The following STMND1 variants were observed in gnomAD, a reference collection of about 807,000 sequenced individuals.
The protein encoded by STMND1 is stathmin domain containing 1.
Under a neutral mutation model 23.0 loss-of-function variants are expected in STMND1, and 17 were observed. The ratio of observed to expected loss-of-function variants is 0.74; its 90% confidence interval spans 0.51 to 1.11. The LOEUF is 1.11. STMND1 is among the 50% of genes least tolerant of loss of function. The pLI is 0.00. For synonymous variants in STMND1, 114 were observed against 119.9 expected (o/e 0.95, Z 0.32); for missense variants, 305 against 329.1 (o/e 0.93, Z 0.57).
intron 3 of STMND1, among the ~76,000 whole-genome samples, chr6:17,122,235 G>A (rs1276542440): frequency 6.6e-6 from 1 of 151,652 alleles, no homozygotes; most frequent in Non-Finnish European, 1.5e-5. Flanking sequence ...CTGTTATTTT[G>A]TTTTGTTTTC....
intron 1 of STMND1, among the ~76,000 whole-genome samples, chr6:17,114,685 G>A (rs1292980450): frequency 6.6e-6 from 1 of 152,328 alleles, no homozygotes; most frequent in South Asian, 2.1e-4. Context: ...CGGAGCTCTG[G>A]GGGTAATGTG....
At chr6:17,106,243 C>A (rs1277735080) in intron 1 of STMND1, among the ~76,000 whole-genome samples, 1 of 152,198 alleles carries the variant, frequency 6.6e-6, no homozygotes, top group Non-Finnish European at 1.5e-5. Context: ...ACCATGCTGG[C>A]AGGGTTGATC....
chr6:17,115,088 A>G lies in STMND1; in HGVS notation c.208A>G (p.Ile70Val). ...CCAGATGGGAAGCTTACCTGGAACC[A>G]TTTCAGAAAATTCTCCATCTCCTAG... ...QVQMGSLPGT[I>V]SENSPSPSER... Residue 70 changes from isoleucine (I) to valine (V), a missense_variant, in exon 2 of 5, where the codon ATT becomes GTT. By Grantham distance (29) the Ile-to-Val change is conservative (BLOSUM62 3). Coordinates refer to ENST00000536551, the MANE Select transcript of STMND1 (RefSeq NM_001190766.2). The G allele has an allele frequency of 6.5e-7, 1 of 1,535,952 alleles. No individual in the cohort carries two copies. Among genetic ancestry groups the G allele is most frequent in the Non-Finnish European group, 8.7e-7 (1 of 1,146,842 alleles).
chr6:17,126,034 T>TTTTATATATATATATATATA (rs1348334184), intron 3 of STMND1, among the ~76,000 whole-genome samples: 3 of 41,984 alleles, frequency 7.1e-5, no homozygotes, highest in African/African-American at 3.8e-4. Context: ...GATCATTGTT[T>TTTTATATATATATATATATA]TATATATATA....
chr6:17,111,644 A>G (rs895056844), intron 1 of STMND1, among the ~76,000 whole-genome samples: 1 of 152,214 alleles, frequency 6.6e-6, no homozygotes, highest in Non-Finnish European at 1.5e-5. Context: ...CAGGTTACAG[A>G]AATATAATAT....
intron 1 of STMND1, among the ~76,000 whole-genome samples, chr6:17,112,333 A>G (rs558133448): frequency 6.6e-6 from 1 of 152,158 alleles, no homozygotes; most frequent in African/African-American, 2.4e-5. Context: ...CCTTTGGATG[A>G]CTGTACCACA....
At chr6:17,122,432 G>T (rs1761246932) in intron 3 of STMND1, among the ~76,000 whole-genome samples, 1 of 152,032 alleles carries the variant, frequency 6.6e-6, no homozygotes, top group South Asian at 2.1e-4. Flanking sequence ...TACCCCAAAG[G>T]CTACTTAATG....
At chr6:17,110,255 G>A (rs936631044) in intron 1 of STMND1, among the ~76,000 whole-genome samples, 9 of 152,128 alleles carry the variant, frequency 5.9e-5, no homozygotes, top group South Asian at 2.1e-4. Flanking sequence ...ATGGCGTCAC[G>A]TGCCTGTAGT....
Position 17,128,877 on chromosome 6 carries a change from T to A in STMND1, c.412-235T>A. 5.8e-6 allele frequency: 2 copies of A among 346,354 alleles called. 1 individual carries two copies. 21.5% of individuals were successfully genotyped at this position (346,354 alleles called of 1,614,324 possible). A position where few individuals can be genotyped will look rare whatever the true frequency, so the allele number is the denominator to read the frequency against. The stretch of plus-strand genomic sequence containing the variant: ...ACGGGCACACACCACCATGCCTGGC[T>A]AATTTTTTGTATTTTTGTAGAGACA... On this transcript the variant is annotated intron_variant, in intron 3 of 4. Transcript: ENST00000536551.
chr6:17,117,041 A>G (rs922626365), intron 2 of STMND1, among the ~76,000 whole-genome samples: 4 of 152,012 alleles, frequency 2.6e-5, no homozygotes, highest in Non-Finnish European at 4.4e-5. Context: ...ATCACTATAC[A>G]AGGATCAAAA....
Position 17,114,827 on chromosome 6 carries a change from C to T in STMND1, c.82-135C>T, listed in dbSNP as rs144879346. 589 of 954,932 alleles carry T rather than the reference C, an allele frequency of 6.2e-4. 3 individuals are homozygous for T. The African/African-American group carries it at 8.6e-3, about 14-fold the overall frequency. The allele number at this position is 954,932 out of a possible 1,614,324, so 59.2% of individuals were successfully genotyped here. A position where few individuals can be genotyped will look rare whatever the true frequency, so the allele number is the denominator to read the frequency against. On this transcript the variant is annotated intron_variant, in intron 1 of 4. Transcript: ENST00000536551. ...ATGTGGCCCAGGGGGTTGGGGACCC[C>T]GATCTATGGCTTTCTGGTTACTATA...
intron 3 of STMND1, among the ~76,000 whole-genome samples, chr6:17,121,607 C>T (rs1485733692): frequency 6.6e-6 from 1 of 151,942 alleles, no homozygotes; most frequent in Non-Finnish European, 1.5e-5. Context: ...AATTATGTGT[C>T]CATTAAAAAT....
At chr6:17,128,619 T>G (rs1211512483) in intron 3 of STMND1, 1 of 152,454 alleles carries the variant, frequency 6.6e-6, no homozygotes, top group Non-Finnish European at 1.5e-5. Context: ...ATCTAAAAGA[T>G]CTTATCGTTA....
At position 17,129,154 on chromosome 6, in the gene STMND1, C is replaced by T. The variant is rs1761350009; in HGVS notation, c.454C>T (p.Leu152=). The T allele has an allele frequency of 6.5e-7, 1 of 1,535,866 alleles. No individual in the cohort carries two copies. The highest frequency in any genetic ancestry group is 8.7e-7 in the Non-Finnish European group (1 of 1,146,820). The stretch of plus-strand genomic sequence containing the variant: ...GCCATTGAGAAAGCCACCTTCCAGA[C>T]TGAAAAAACTCAAGATCAAAAAGCA... ...EKPLRKPPSR[L]KKLKIKKQVK... The change falls in exon 4 of 5, where the codon CTG becomes TTG. Residue 152 remains leucine (L), a synonymous_variant. Transcript: ENST00000536551.
At chr6:17,122,710 T>G in intron 3 of STMND1, among the ~76,000 whole-genome samples, 1 of 134,812 alleles carries the variant, frequency 7.4e-6, no homozygotes. Context: ...CTGCCAATAA[T>G]AAGAGGATGT....
chr6:17,117,551 C>T (rs186977170), intron 2 of STMND1, among the ~76,000 whole-genome samples: 5 of 151,560 alleles, frequency 3.3e-5, no homozygotes, highest in African/African-American at 1.2e-4. Context: ...AACTCCTCAG[C>T]TTTTCTTAGT....
In STMND1 at chr6:17,102,202, C is replaced by A. The variant is rs887206869; in HGVS notation, c.-56C>A. ...ACCGGCGCCGGAGCGCGGCAGGGAGCGCTCGCGGGGGCGCACAGCAGCCAA... is the reference window on the plus strand; with the variant it reads ...ACCGGCGCCGGAGCGCGGCAGGGAGAGCTCGCGGGGGCGCACAGCAGCCAA... On this transcript the variant is annotated 5_prime_UTR_variant, in exon 1 of 5. Coordinates refer to ENST00000536551, the MANE Select transcript of STMND1 (RefSeq NM_001190766.2). 6.1e-6 allele frequency: 9 copies of A among 1,474,340 alleles called. No individual in the cohort carries two copies. Among genetic ancestry groups the A allele is most frequent in the Admixed American group, 2.5e-5 (1 of 40,564 alleles). The allele number at this position is 1,474,340 out of a possible 1,614,324, so 91.3% of individuals were successfully genotyped here.
At position 17,120,757 on chromosome 6, in the gene STMND1, C is replaced by A. The variant is rs141397376; in HGVS notation, c.410C>A (p.Thr137Lys). The A allele has an allele frequency of 6.6e-7, 1 of 1,520,290 alleles. No individual in the cohort carries two copies. Among genetic ancestry groups the A allele is most frequent in the Admixed American group, 2.2e-5 (1 of 46,352 alleles). The allele number at this position is 1,520,290 out of a possible 1,614,324, so 94.2% of individuals were successfully genotyped here. ...VFRNGESYDV[T>K]LTTTEKPLRK... Reference sequence around the variant, plus strand: ...AGAAATGGAGAATCATATGATGTCACGGCAAGTAATTTTGTAATTAACATT... The same window carrying A: ...AGAAATGGAGAATCATATGATGTCAAGGCAAGTAATTTTGTAATTAACATT... Residue 137 changes from threonine (T) to lysine (K), a missense_variant and splice_region_variant, in exon 3 of 5, where the codon ACG (threonine) becomes AAG (lysine). Physicochemically the swap from Thr to Lys is moderately conservative, Grantham distance 78 (BLOSUM62 -1). Coordinates refer to ENST00000536551, the MANE Select transcript of STMND1 (RefSeq NM_001190766.2).
At chr6:17,108,037 A>G (rs1187784416) in intron 1 of STMND1, among the ~76,000 whole-genome samples, 2 of 152,222 alleles carry the variant, frequency 1.3e-5, no homozygotes, top group African/African-American at 2.4e-5. Flanking sequence ...AGTTTTCAAA[A>G]GAGAAGAACC....
Sources: allele counts gnomAD v4.1 joint callset (sites outside exome capture counted in the v4.1 genomes callset), GRCh38; gene constraint gnomAD v4.1.1; transcripts MANE v1.5; gene names NCBI Gene and HGNC (gene_info 2026-07-23, HGNC 2026-07-21).